CSMD1: variants seen among roughly 807,000 people sequenced by gnomAD.
The protein encoded by CSMD1 is CUB and sushi domain-containing protein 1.
Under a neutral mutation model 417.5 loss-of-function variants are expected in CSMD1, and 213 were observed. The ratio of observed to expected loss-of-function variants is 0.51; its 90% CI spans 0.46 to 0.57. The LOEUF (loss-of-function observed/expected upper bound fraction) is 0.57. Ranked by LOEUF, CSMD1 falls within the 20% of genes least tolerant of loss-of-function variation. The pLI is 0.00. For missense variants in CSMD1, 6,923 were observed against 4,529.7 expected, an observed-to-expected ratio of 1.53 and a Z score of -15.17; for synonymous variants, 2,862 against 1,736.8, an observed-to-expected ratio of 1.65 and a Z score of -16.11.
At chr8:4,043,162 G>A (rs1797980205) in intron 3 of CSMD1, among the ~76,000 whole-genome samples, 2 of 151,974 alleles carry the variant, frequency 1.3e-5, no homozygotes, top group Admixed American at 1.3e-4. Flanking sequence ...AAAAAAAGCA[G>A]CAGTATAACA....
chr8:4,405,444 G>A, intron 3 of CSMD1, among the ~76,000 whole-genome samples: 1 of 152,086 alleles, frequency 6.6e-6, no homozygotes, highest in East Asian at 1.9e-4. Context: ...GTAAAATGAA[G>A]ATTTTAACGC....
intron 8 of CSMD1, among the ~76,000 whole-genome samples, chr8:3,593,692 A>G (rs1364122734): frequency 1.3e-5 from 2 of 152,234 alleles, no homozygotes; most frequent in Admixed American, 6.5e-5. Context: ...CAGTACAAAT[A>G]AAACTACATT....
At chr8:3,675,841 C>T (rs1051053972) in intron 7 of CSMD1, among the ~76,000 whole-genome samples, 9 of 152,148 alleles carry the variant, frequency 5.9e-5, no homozygotes, top group Non-Finnish European at 1.2e-4. Flanking sequence ...GGTGGCATTT[C>T]CACCTTATGC....
chr8:4,713,322 G>A (rs1344758835), intron 1 of CSMD1, among the ~76,000 whole-genome samples: 2 of 152,186 alleles, frequency 1.3e-5, no homozygotes, highest in African/African-American at 2.4e-5. Flanking sequence ...AGACCCATCC[G>A]GTGGTGTGGT....
At chr8:3,144,212 G>C (rs768617167) in intron 40 of CSMD1, among the ~76,000 whole-genome samples, 1 of 152,104 alleles carries the variant, frequency 6.6e-6, no homozygotes. Flanking sequence ...CATGTCACAC[G>C]GGAAATGGCA....
chr8:4,748,742 A>G (rs1341831023), intron 1 of CSMD1, among the ~76,000 whole-genome samples: 2 of 152,226 alleles, frequency 1.3e-5, no homozygotes, highest in African/African-American at 4.8e-5. Context: ...AGTAAAATGC[A>G]TTTTTACAGA....
intron 41 of CSMD1, among the ~76,000 whole-genome samples, chr8:3,124,860 G>A (rs1817408305): frequency 6.6e-6 from 1 of 152,132 alleles, no homozygotes. Flanking sequence ...GCTCATTTCA[G>A]AATTATCTCA....
intron 3 of CSMD1, among the ~76,000 whole-genome samples, chr8:4,302,457 T>C (rs555337659): frequency 1.3e-5 from 2 of 152,316 alleles, no homozygotes; most frequent in African/African-American, 4.8e-5. Context: ...ACACATATCG[T>C]GCAGACAAAA....
intron 2 of CSMD1, 89 bp from the exon 3 acceptor site, chr8:4,420,154 C>T (rs1039837463): frequency 1.5e-5 from 12 of 819,498 alleles, no homozygotes; most frequent in Non-Finnish European, 2.4e-5. Context: ...ATAACTTGAA[C>T]AGTGGTATAT....
At chr8:3,370,623 G>A (rs924174821) in intron 18 of CSMD1, among the ~76,000 whole-genome samples, 6 of 152,210 alleles carry the variant, frequency 3.9e-5, no homozygotes, top group African/African-American at 1.4e-4. Flanking sequence ...GTGAAGATTT[G>A]CTTTCACCAA....
intron 3 of CSMD1, among the ~76,000 whole-genome samples, chr8:4,367,493 G>C (rs750508753): frequency 1.3e-5 from 2 of 152,168 alleles, no homozygotes; most frequent in Non-Finnish European, 2.9e-5. Context: ...CGGGTAGTGT[G>C]ATACCTCCAG....
At chr8:4,523,768 AC>A (rs1803621540) in intron 2 of CSMD1, among the ~76,000 whole-genome samples, 1 of 152,178 alleles carries the variant, frequency 6.6e-6, no homozygotes. Flanking sequence ...TATTAAAATA[AC>A]ATAATTGTAT....
At chr8:4,752,332 T>G (rs1811383547) in intron 1 of CSMD1, among the ~76,000 whole-genome samples, 1 of 152,198 alleles carries the variant, frequency 6.6e-6, no homozygotes. Context: ...CTTTATGTAT[T>G]TCTCTGTGAG....
At chr8:3,450,204 C>G (rs1815607040) in intron 12 of CSMD1, among the ~76,000 whole-genome samples, 1 of 152,206 alleles carries the variant, frequency 6.6e-6, no homozygotes, top group Non-Finnish European at 1.5e-5. Flanking sequence ...TAAGATGGGC[C>G]TTAACATCTC....
At chr8:4,718,799 G>A (rs1183343155) in intron 1 of CSMD1, among the ~76,000 whole-genome samples, 1 of 151,644 alleles carries the variant, frequency 6.6e-6, no homozygotes, top group African/African-American at 2.4e-5. Context: ...AAAATATAAG[G>A]AAATTAACAT....
At chr8:4,286,406 C>A (rs925977889) in intron 3 of CSMD1, among the ~76,000 whole-genome samples, 7 of 152,126 alleles carry the variant, frequency 4.6e-5, no homozygotes, top group African/African-American at 1.2e-4. Context: ...CTTCAGTTAA[C>A]ATGAGACAGA....
intron 5 of CSMD1, among the ~76,000 whole-genome samples, chr8:3,918,055 T>C (rs1407534892): frequency 1.3e-5 from 2 of 152,050 alleles, no homozygotes; most frequent in African/African-American, 4.8e-5. Context: ...GTGAGTAATA[T>C]TTCATTGTAT....
intron 1 of CSMD1, among the ~76,000 whole-genome samples, chr8:4,693,844 G>A (rs1806941693): frequency 5.7e-5 from 2 of 35,302 alleles, no homozygotes; most frequent in Admixed American, 3.3e-4. Flanking sequence ...GCCTGGCCAG[G>A]TCCTATTCTT....
chr8:4,163,367 A>G, intron 3 of CSMD1, among the ~76,000 whole-genome samples: 1 of 152,080 alleles, frequency 6.6e-6, no homozygotes. Context: ...ACTCAGAGTT[A>G]TTTTACTCCA....
Sources: allele counts gnomAD v4.1 joint callset (sites outside exome capture counted in the v4.1 genomes callset), GRCh38; gene constraint gnomAD v4.1.1; transcripts MANE v1.5; gene names NCBI Gene and HGNC (gene_info 2026-07-23, HGNC 2026-07-21).